The following ADGRA2 variants were observed in gnomAD, a reference collection of about 807,000 sequenced individuals.
ADGRA2 encodes adhesion G protein-coupled receptor A2, also known as G-protein coupled receptor 124.
Under a neutral mutation model 98.7 loss-of-function variants are expected in ADGRA2, and 61 were observed. The observed-to-expected ratio is 0.62, with a 90% confidence interval of 0.50 to 0.76. The LOEUF (loss-of-function observed/expected upper bound fraction) is 0.76. Among genes scored for constraint, ADGRA2 ranks in the 30% least tolerant of loss-of-function variants. The probability of loss-of-function intolerance (pLI) is 0.00; values close to 1 mark genes in which losing one functional copy is unlikely to be tolerated. For synonymous variants in ADGRA2, 858 were observed against 831.5 expected, an observed-to-expected ratio of 1.03 and a Z score of -0.55; for missense variants, 1,712 against 1,860.0, an observed-to-expected ratio of 0.92 and a Z score of 1.46.
chr8:37,799,341 C>T (rs1052438950), intron 1 of ADGRA2, among the ~76,000 whole-genome samples: 1 of 151,082 alleles, frequency 6.6e-6, no homozygotes, highest in Non-Finnish European at 1.5e-5. Context: ...CGCCATTGCA[C>T]TCCAGCCTGG....
At position 37,833,002 on chromosome 8, in the gene ADGRA2, C is replaced by A. The variant is rs372353409; in HGVS notation, c.1098-8C>A. 1.2e-6 allele frequency: 2 copies of A among 1,606,550 alleles called. No individual in the cohort carries two copies. Among genetic ancestry groups the A allele is most frequent in the Non-Finnish European group, 1.7e-6 (2 of 1,175,306 alleles). On this transcript the variant is annotated splice_region_variant and splice_polypyrimidine_tract_variant and intron_variant, in intron 8 of 18. Coordinates refer to ENST00000412232, the MANE Select transcript of ADGRA2 (RefSeq NM_032777.10). ...GGTTCATCGGCAACTTCCTGCCTCT[C>A]CCCCCAGGTGGCCCCGAACTCTGGC... is the stretch of plus-strand genomic sequence containing the variant.
In ADGRA2 at chr8:37,814,952, C is replaced by T. The variant is rs1804935171; in HGVS notation, c.323C>T (p.Ser108Leu). 2 of 1,611,664 alleles carry T rather than the reference C, an allele frequency of 1.2e-6. No homozygotes were observed. The highest frequency in any genetic ancestry group is 1.7e-6 in the Non-Finnish European group (2 of 1,177,738). The change falls in exon 2 of 19, where the codon TCA becomes TTA. Residue 108 changes from serine to leucine, a missense_variant. Transcript: ENST00000412232. The surrounding 1 kb of genome is among the most constrained non-coding windows in gnomAD (Gnocchi z 4.3). ...CGCAATGGCTCCTTCCTGGGACTGT[C>T]ACTGCTGGAGAAGCTGTAAGTGCTG... ...GLRNGSFLGL[S>L]LLEKLDLRNN...
chr8:37,835,096 G>A (rs768659242), intron 11 of ADGRA2, 78 bp from the exon 12 acceptor site: 17 of 1,006,626 alleles, frequency 1.7e-5, no homozygotes, highest in Middle Eastern at 2.2e-4. Flanking sequence ...GCCTGAGCAG[G>A]CCCATTGAGA....
chr8:37,810,171 A>G (rs1374648954), intron 1 of ADGRA2, among the ~76,000 whole-genome samples: 2 of 151,846 alleles, frequency 1.3e-5, no homozygotes, highest in Non-Finnish European at 2.9e-5. Flanking sequence ...TCATATATAT[A>G]TAAAAATATA....
chr8:37,808,585 T>C (rs985595059), intron 1 of ADGRA2, among the ~76,000 whole-genome samples: 1 of 151,756 alleles, frequency 6.6e-6, no homozygotes, highest in Non-Finnish European at 1.5e-5. Context: ...TGTGTGTGTG[T>C]GTGCATGGGC....
chr8:37,837,247 G>C (rs1349948665), intron 13 of ADGRA2, among the ~76,000 whole-genome samples: 1 of 152,216 alleles, frequency 6.6e-6, no homozygotes, highest in Non-Finnish European at 1.5e-5. Flanking sequence ...CGTGGGCTGT[G>C]GGAGTGTGTG....
Position 37,842,502 on chromosome 8 carries a change from G to A in ADGRA2, c.*147G>A. The A allele has an allele frequency of 7.8e-7, 1 of 1,287,854 alleles. No individual in the cohort carries two copies. The highest frequency in any genetic ancestry group is 1.6e-5 in the African/African-American group (1 of 63,798). The allele number at this position is 1,287,854 out of a possible 1,614,324, so 79.8% of individuals were successfully genotyped here. ...GCCCACAGGCGGATGTTCCCCACTT[G>A]CCTAGAGGGCATCCCTCTGGGGTAG... is the stretch of plus-strand genomic sequence containing the variant. On this transcript the variant is annotated 3_prime_UTR_variant, in exon 19 of 19. Coordinates refer to ENST00000412232, the MANE Select transcript of ADGRA2 (RefSeq NM_032777.10).
At position 37,824,088 on chromosome 8, in the gene ADGRA2, A is replaced by C. The variant is rs534329606; in HGVS notation, c.339-4800A>C. ...CTCTTGCTGCCCAAGCTGGAGTGCA[A>C]TGGCATGGTCTCAGCTCACTGCAAT... is the stretch of plus-strand genomic sequence containing the variant. On this transcript the variant is annotated intron_variant, in intron 2 of 18. Coordinates refer to ENST00000412232, the MANE Select transcript of ADGRA2 (RefSeq NM_032777.10). Among the ~76,000 whole-genome samples, 3 of 151,858 alleles carry C rather than the reference A, an allele frequency of 2.0e-5. No individual in the cohort carries two copies. The East Asian group carries it at 5.8e-4, about 30-fold the overall frequency.
intron 1 of ADGRA2, among the ~76,000 whole-genome samples, chr8:37,809,664 C>G (rs916080253): frequency 2.0e-5 from 3 of 152,198 alleles, no homozygotes; most frequent in Non-Finnish European, 4.4e-5. Flanking sequence ...GGACCATGTT[C>G]TCTGCAGCAA....
chr8:37,839,648 G>T, intron 16 of ADGRA2, 26 bp downstream of exon 16: 1 of 1,612,028 alleles, frequency 6.2e-7, no homozygotes, highest in Non-Finnish European at 8.5e-7. Context: ...GGCTCTGGGG[G>T]TGGTGCTCCG....
At chr8:37,804,132 C>CACACACACACACACACAT (rs1804591995) in intron 1 of ADGRA2, among the ~76,000 whole-genome samples, 1 of 151,196 alleles carries the variant, frequency 6.6e-6, no homozygotes, top group African/African-American at 2.4e-5. Flanking sequence ...CACACACACA[C>CACACACACACACACACAT]ACACACACAC....
chr8:37,837,037 G>T (rs1028477108), intron 13 of ADGRA2, among the ~76,000 whole-genome samples: 1 of 152,182 alleles, frequency 6.6e-6, no homozygotes, highest in Non-Finnish European at 1.5e-5. Context: ...ACAAGTCGTT[G>T]TAAGTGCAGC....
At position 37,833,178 on chromosome 8, in the gene ADGRA2, C is replaced by T. The variant is rs751114639; in HGVS notation, c.1266C>T (p.Asp422=). The T allele has an allele frequency of 4.3e-6, 7 of 1,612,934 alleles. No individual in the cohort carries two copies. The highest frequency in any genetic ancestry group is 5.1e-6 in the Non-Finnish European group (6 of 1,179,692). The part of the protein sequence containing the change: ...GDYSHCLYTN[D]ITRVLYTFVL... ...ACTCCCACTGTCTCTACACCAACGA[C>T]ATCACCAGGGTGCTGTACACCTTCG... The change falls in exon 9 of 19, where the codon GAC becomes GAT. Residue 422 remains aspartate (D), a synonymous_variant. Coordinates refer to ENST00000412232, the MANE Select transcript of ADGRA2 (RefSeq NM_032777.10).
Position 37,844,378 on chromosome 8 carries a change from C to T in ADGRA2, c.*2023C>T. 6.9e-7 allele frequency: 1 copy of T among 1,444,006 alleles called. No individual in the cohort carries two copies. The highest frequency in any genetic ancestry group is 1.3e-5 in the South Asian group (1 of 75,298). 89.4% of individuals were successfully genotyped at this position (1,444,006 alleles called of 1,614,324 possible). On this transcript the variant is annotated 3_prime_UTR_variant, in exon 19 of 19. Transcript: ENST00000412232. ...CTAATGGCAGAGCCCCTCTTGGTTC[C>T]TTCAAACAAGAAAAGCAATACCTAC...
intron 3 of ADGRA2, 76 bp from the exon 4 acceptor site, chr8:37,829,185 C>G: frequency 9.0e-7 from 1 of 1,113,542 alleles, no homozygotes. Flanking sequence ...GCCCTGGCCC[C>G]ACCCATGTGT....
At chr8:37,823,349 G>A (rs1192458406) in intron 2 of ADGRA2, among the ~76,000 whole-genome samples, 1 of 151,680 alleles carries the variant, frequency 6.6e-6, no homozygotes, top group African/African-American at 2.4e-5. Context: ...TTACAGGCAC[G>A]CACCACCATG....
intron 2 of ADGRA2, among the ~76,000 whole-genome samples, chr8:37,815,999 C>T (rs936335894): frequency 6.6e-6 from 1 of 152,228 alleles, no homozygotes; most frequent in African/African-American, 2.4e-5. Context: ...CCCTTGGCCC[C>T]TCTAGCGCCA....
chr8:37,803,484 G>A lies in ADGRA2; in HGVS notation c.266+5950G>A, dbSNP rs1804565381. 3.3e-5 allele frequency among the ~76,000 whole-genome samples: 5 copies of A among 152,204 alleles called. No individual in the cohort carries two copies. The South Asian group carries it at 1.0e-3, about 31-fold the overall frequency. ...TAACCGCTAGGAAGGGCTGCTCAGA[G>A]GGGCTGTTTATTTTCATTCCCCCAG... is the stretch of plus-strand genomic sequence containing the variant. On this transcript the variant is annotated intron_variant, in intron 1 of 18. Coordinates refer to ENST00000412232, the MANE Select transcript of ADGRA2 (RefSeq NM_032777.10).
At chr8:37,838,480 T>A (rs1303843255) in intron 14 of ADGRA2, among the ~76,000 whole-genome samples, 2 of 152,112 alleles carry the variant, frequency 1.3e-5, no homozygotes, top group Non-Finnish European at 2.9e-5. Context: ...CTCAAACTCC[T>A]GACCTCAAAT....
Sources: gnomAD v4.1 joint callset for allele counts (sites outside exome capture counted in the v4.1 genomes callset) on GRCh38, gnomAD v4.1.1 for gene constraint, Gnocchi (gnomAD v3.1) non-coding constraint, MANE v1.5 for transcripts, NCBI Gene and HGNC (gene_info 2026-07-23, HGNC 2026-07-21) for gene names.